Variants in NINJ2 observed in about 807,000 individuals in gnomAD.
NINJ2 encodes the protein ninjurin 2.
Under a neutral mutation model 11.7 loss-of-function variants are expected in NINJ2, and 12 were observed. The observed-to-expected ratio is 1.02, with a 90% confidence interval of 0.66 to 1.66. The LOEUF is 1.66. NINJ2 is among the 40% of genes most tolerant of loss of function. NINJ2 has a pLI of 0.00. For missense variants in NINJ2, 187 were observed against 181.8 expected (o/e 1.03, Z -0.16); for synonymous variants, 93 against 76.8 (o/e 1.21, Z -1.10).
At chr12:567,391 T>TA (rs5795928) in intron 1 of NINJ2, among the ~76,000 whole-genome samples, 51,343 of 151,786 alleles carry the variant, frequency 0.34, 8,882 homozygotes, top group East Asian at 0.59. Context: ...TAAACACTCG[T>TA]AATTTGTTTT....
chr12:657,588 C>T (rs907307855), intron 1 of NINJ2, among the ~76,000 whole-genome samples: 1 of 151,898 alleles, frequency 6.6e-6, no homozygotes, highest in African/African-American at 2.4e-5. Context: ...GACTCCTTCT[C>T]AAAAAATAAA....
intron 1 of NINJ2, among the ~76,000 whole-genome samples, chr12:593,576 G>C (rs12305617): frequency 0.11 from 16,378 of 152,082 alleles, 1,104 homozygotes; most frequent in East Asian, 0.21. Context: ...TTAGCCAGGC[G>C]TGGTGGTGCA....
intron 1 of NINJ2, among the ~76,000 whole-genome samples, chr12:659,567 C>T (rs773586286): frequency 6.6e-6 from 1 of 152,184 alleles, no homozygotes; most frequent in East Asian, 1.9e-4. Flanking sequence ...TTGGAGGCCA[C>T]AGCCACAGGC....
chr12:600,480 T>C (rs7968968), intron 1 of NINJ2, among the ~76,000 whole-genome samples: 56,224 of 151,784 alleles, frequency 0.37, 10,984 homozygotes, highest in African/African-American at 0.5. Flanking sequence ...CACTTGAACC[T>C]GGGAGGCGGA....
chr12:631,163 A>C (rs1410032161), intron 1 of NINJ2, among the ~76,000 whole-genome samples: 1 of 151,972 alleles, frequency 6.6e-6, no homozygotes, highest in Non-Finnish European at 1.5e-5. Context: ...CAACCTAGTA[A>C]TTTGGAGACG....
chr12:606,175 A>G (rs1374441803), intron 1 of NINJ2, among the ~76,000 whole-genome samples: 2 of 152,156 alleles, frequency 1.3e-5, no homozygotes, highest in Non-Finnish European at 2.9e-5. Context: ...CCCAGCCAAT[A>G]TTCTATTTCA....
chr12:568,276 G>T (rs1328639435), intron 1 of NINJ2, among the ~76,000 whole-genome samples: 2 of 152,182 alleles, frequency 1.3e-5, no homozygotes, highest in African/African-American at 4.8e-5. Context: ...CGTCTTTGGA[G>T]ATCCAGCTCT....
intron 1 of NINJ2, among the ~76,000 whole-genome samples, chr12:635,716 GA>G (rs1592110435): frequency 6.6e-6 from 1 of 152,048 alleles, no homozygotes; most frequent in South Asian, 2.1e-4. Context: ...GGCAACAAAA[GA>G]AAAAAACAGA....
chr12:632,708 G>C (rs1164164325), intron 1 of NINJ2: 4 of 152,184 alleles, frequency 2.6e-5, no homozygotes, highest in Non-Finnish European at 5.9e-5. Context: ...TGGGGGTGGG[G>C]GTGGAGAGAG....
At chr12:632,273 A>G (rs1948293630) in intron 1 of NINJ2, 2 of 152,230 alleles carry the variant, frequency 1.3e-5, no homozygotes, top group African/African-American at 2.4e-5. Context: ...GATTCCATTC[A>G]GCAAAAGCAG....
chr12:595,684 C>T (rs962763603), intron 1 of NINJ2, among the ~76,000 whole-genome samples: 10 of 151,816 alleles, frequency 6.6e-5, no homozygotes, highest in Non-Finnish European at 1.2e-4. Context: ...ACCCGGGAGG[C>T]GGAGGTTGCG....
rs145625901 is a variant in NINJ2 at position 588,861 on chromosome 12, A to T, written c.34-22683T>A. ...ATTGGCGAAGACTTAAGAGACTGAT[A>T]ATACTCAGTGTTGGTGAAGACATGG... is the stretch of plus-strand genomic sequence containing the variant. On this transcript the variant is annotated intron_variant, in intron 1 of 3. Coordinates refer to ENST00000305108, the MANE Select transcript of NINJ2 (RefSeq NM_016533.6). Among the ~76,000 whole-genome samples, 151 of 152,336 alleles carry T rather than the reference A, an allele frequency of 9.9e-4. 2 individuals are homozygous for T. Among genetic ancestry groups the T allele is most frequent in the African/African-American group, 3.5e-3 (147 of 41,580 alleles).
At chr12:565,430 G>T in intron 2 of NINJ2, 29 bp from the exon 3 acceptor site, 1 of 1,608,348 alleles carries the variant, frequency 6.2e-7, no homozygotes, top group Non-Finnish European at 8.5e-7. Context: ...GGGGGAAAGG[G>T]TCAGAGACGG....
At chr12:609,234 G>A (rs1311587259) in intron 1 of NINJ2, among the ~76,000 whole-genome samples, 2 of 124,624 alleles carry the variant, frequency 1.6e-5, no homozygotes, top group Non-Finnish European at 3.6e-5. Flanking sequence ...GAACGCGCAC[G>A]CACGGCGCCA....
rs574677048 is a variant in NINJ2, at chr12:622,498, A to T, written c.33+40830T>A. The stretch of plus-strand genomic sequence containing the variant: ...GACAACTTTTATAAGAAACTCTGGG[A>T]AATGCTCAGGACTCTATTTGTTTAA... On this transcript the variant is annotated intron_variant, in intron 1 of 3. Transcript: ENST00000305108. Among the ~76,000 whole-genome samples, 12 of 151,676 alleles carry T rather than the reference A, an allele frequency of 7.9e-5. No individual in the cohort carries two copies. In the South Asian group the frequency reaches 2.5e-3, roughly 32 times the overall value.
intron 1 of NINJ2, among the ~76,000 whole-genome samples, chr12:606,598 C>T (rs1947944971): frequency 6.6e-6 from 1 of 152,206 alleles, no homozygotes; most frequent in East Asian, 1.9e-4. Flanking sequence ...AATCTAACAA[C>T]TTCCAGACAT....
chr12:574,539 T>TA (rs11442110), intron 1 of NINJ2, among the ~76,000 whole-genome samples: 50,063 of 143,296 alleles, frequency 0.35, 9,323 homozygotes, highest in Non-Finnish European at 0.45. Context: ...ATCTCAGGAT[T>TA]AAAAAAAAAA....
chr12:639,855 T>C (rs970813117), intron 1 of NINJ2, among the ~76,000 whole-genome samples: 3 of 152,140 alleles, frequency 2.0e-5, no homozygotes, highest in African/African-American at 4.8e-5. Context: ...CCGGCAGGGG[T>C]AGACCCGCTA....
intron 1 of NINJ2, among the ~76,000 whole-genome samples, chr12:662,523 G>C (rs1021537357): frequency 6.6e-6 from 1 of 152,182 alleles, no homozygotes; most frequent in Admixed American, 6.5e-5. Flanking sequence ...TCGAGGACCA[G>C]GTTCAGGGAT....
Sources: allele counts gnomAD v4.1 joint callset (sites outside exome capture counted in the v4.1 genomes callset), GRCh38; gene constraint gnomAD v4.1.1; transcripts MANE v1.5; gene names NCBI Gene and HGNC (gene_info 2026-07-23, HGNC 2026-07-21).